Variants in AGBL4 observed in about 807,000 individuals in gnomAD.
The protein encoded by AGBL4 is AGBL carboxypeptidase 4.
A neutral mutation model predicts 66.4 loss-of-function variants in AGBL4; 58 were observed. The observed-to-expected ratio is 0.87, with a 90% CI of 0.71 to 1.09. AGBL4 has a LOEUF of 1.09. Ranked by LOEUF, AGBL4 falls within the 50% of genes least tolerant of loss-of-function variation. The pLI is 0.00. For missense variants in AGBL4, 579 were observed against 631.0 expected (o/e 0.92, Z 0.88); for synonymous variants, 234 against 222.9 (o/e 1.05, Z -0.44).
intron 6 of AGBL4, among the ~76,000 whole-genome samples, chr1:48,741,707 C>A (rs965749251): frequency 5.3e-5 from 8 of 152,224 alleles, no homozygotes; most frequent in African/African-American, 1.9e-4. Context: ...ATCAACCTAA[C>A]AGAGAATGAT....
At chr1:49,364,964 G>A (rs1644215670) in intron 3 of AGBL4, among the ~76,000 whole-genome samples, 1 of 152,176 alleles carries the variant, frequency 6.6e-6, no homozygotes, top group Non-Finnish European at 1.5e-5. Flanking sequence ...GTTCATGCAT[G>A]TGAAATGGTT....
intron 3 of AGBL4, among the ~76,000 whole-genome samples, chr1:49,607,018 C>T (rs925265764): frequency 6.6e-6 from 1 of 152,078 alleles, no homozygotes; most frequent in Non-Finnish European, 1.5e-5. Context: ...CTCAGCTTGA[C>T]CTCCTCCTAT....
chr1:49,213,168 A>G (rs184844906), intron 4 of AGBL4, among the ~76,000 whole-genome samples: 142 of 152,274 alleles, frequency 9.3e-4, no homozygotes, highest in Admixed American at 1.6e-3. Flanking sequence ...TACTAGTACT[A>G]TAATATGATA....
chr1:49,033,085 G>C (rs746910190), intron 5 of AGBL4, among the ~76,000 whole-genome samples: 8 of 152,074 alleles, frequency 5.3e-5, no homozygotes, highest in Middle Eastern at 3.2e-3. Flanking sequence ...TGGGTCTTTT[G>C]AATCAGCAGG....
At chr1:49,762,115 T>C (rs182395356) in intron 2 of AGBL4, among the ~76,000 whole-genome samples, 4 of 152,332 alleles carry the variant, frequency 2.6e-5, no homozygotes, top group Admixed American at 6.5e-5. Flanking sequence ...TCCTGGGTCA[T>C]ATGGCATTTC....
At chr1:49,228,906 A>G (rs1650102138) in intron 4 of AGBL4, among the ~76,000 whole-genome samples, 1 of 152,162 alleles carries the variant, frequency 6.6e-6, no homozygotes, top group South Asian at 2.1e-4. Flanking sequence ...AGACAGCAAT[A>G]TGTTCCTAAC....
intron 6 of AGBL4, among the ~76,000 whole-genome samples, chr1:48,775,035 T>A (rs1645009668): frequency 6.6e-6 from 1 of 152,218 alleles, no homozygotes; most frequent in African/African-American, 2.4e-5. Flanking sequence ...AAGCCTATCG[T>A]CTTGGGAAAT....
chr1:49,801,567 TAACC>T (rs999823008), intron 2 of AGBL4, among the ~76,000 whole-genome samples: 18 of 152,158 alleles, frequency 1.2e-4, no homozygotes, highest in African/African-American at 4.3e-4. Context: ...AGTAAGTCAA[TAACC>T]ATTGAATACA....
chr1:49,849,722 T>C (rs1646258460), intron 2 of AGBL4, among the ~76,000 whole-genome samples: 3 of 151,994 alleles, frequency 2.0e-5, no homozygotes, highest in Admixed American at 2.0e-4. Flanking sequence ...TATTTGGTGA[T>C]TACATGGTAA....
At chr1:48,973,250 T>A (rs1332756176) in intron 5 of AGBL4, among the ~76,000 whole-genome samples, 1 of 152,166 alleles carries the variant, frequency 6.6e-6, no homozygotes. Flanking sequence ...TCTATTTGAA[T>A]TAAGGCATGA....
intron 1 of AGBL4, among the ~76,000 whole-genome samples, chr1:50,002,811 A>G (rs1276227074): frequency 2.0e-5 from 3 of 152,334 alleles, no homozygotes; most frequent in Non-Finnish European, 4.4e-5. Context: ...TATGCATTAC[A>G]GGATGCTAAG....
At chr1:48,822,651 A>G (rs1212672932) in intron 6 of AGBL4, among the ~76,000 whole-genome samples, 1 of 152,240 alleles carries the variant, frequency 6.6e-6, no homozygotes, top group Non-Finnish European at 1.5e-5. Context: ...TAGTTATTAC[A>G]ATTGAGTATT....
intron 4 of AGBL4, among the ~76,000 whole-genome samples, chr1:49,083,899 G>C (rs571514478): frequency 1.3e-5 from 2 of 152,078 alleles, no homozygotes; most frequent in East Asian, 1.9e-4. Context: ...AGTTTCTTTC[G>C]CTAGATACTC....
chr1:49,418,741 C>T (rs1645481154), intron 3 of AGBL4, among the ~76,000 whole-genome samples: 1 of 152,130 alleles, frequency 6.6e-6, no homozygotes, highest in South Asian at 2.1e-4. Flanking sequence ...GACTGATAGG[C>T]AAAGTTCATG....
intron 3 of AGBL4, among the ~76,000 whole-genome samples, chr1:49,609,068 C>T (rs1363023723): frequency 6.6e-6 from 1 of 152,140 alleles, no homozygotes; most frequent in Admixed American, 6.6e-5. Flanking sequence ...GTCATTTCTG[C>T]TACATTACAT....
At chr1:49,154,725 A>G (rs574706918) in intron 4 of AGBL4, among the ~76,000 whole-genome samples, 16 of 152,300 alleles carry the variant, frequency 1.1e-4, no homozygotes, top group South Asian at 1.0e-3. Flanking sequence ...TTGGCTCCAT[A>G]AATAATTCAG....
chr1:49,602,065 G>T (rs556484307), intron 3 of AGBL4, among the ~76,000 whole-genome samples: 1 of 152,272 alleles, frequency 6.6e-6, no homozygotes, highest in Admixed American at 6.5e-5. Context: ...CTCAAAAGAA[G>T]ACATTTATGT....
chr1:49,122,308 T>G (rs1174631054), intron 4 of AGBL4, among the ~76,000 whole-genome samples: 1 of 151,476 alleles, frequency 6.6e-6, no homozygotes, highest in African/African-American at 2.4e-5. Context: ...CGCTGGGAGC[T>G]GCAGACCGGA....
At chr1:49,114,897 A>G (rs1217080023) in intron 4 of AGBL4, among the ~76,000 whole-genome samples, 1 of 152,226 alleles carries the variant, frequency 6.6e-6, no homozygotes, top group Admixed American at 6.5e-5. Context: ...ATCACTGATT[A>G]CAAATCACCA....
Sources: allele counts gnomAD v4.1 joint callset (sites outside exome capture counted in the v4.1 genomes callset), GRCh38; gene constraint gnomAD v4.1.1; transcripts MANE v1.5; gene names NCBI Gene and HGNC (gene_info 2026-07-23, HGNC 2026-07-21).